Variants in CNTN4 observed in about 807,000 individuals in gnomAD.
CNTN4 encodes the protein contactin 4.
CNTN4 carries 77 observed loss-of-function variants against 122.5 expected under a neutral mutation model. The observed-to-expected ratio is 0.63, with a 90% CI of 0.52 to 0.76. The LOEUF is 0.76. CNTN4 is among the 30% of genes least tolerant of loss of function. CNTN4 has a pLI of 0.00. For missense variants in CNTN4, 1,256 were observed against 1,259.1 expected (o/e 1.00, Z 0.04); for synonymous variants, 512 against 447.0 (o/e 1.15, Z -1.83).
At chr3:2,419,378 G>A (rs1425194660) in intron 3 of CNTN4, among the ~76,000 whole-genome samples, 1 of 152,020 alleles carries the variant, frequency 6.6e-6, no homozygotes, top group African/African-American at 2.4e-5. Flanking sequence ...AAATAAAGAG[G>A]TGGGAGTGGG....
intron 10 of CNTN4, among the ~76,000 whole-genome samples, chr3:2,889,199 T>C (rs2094010779): frequency 6.6e-6 from 1 of 152,202 alleles, no homozygotes; most frequent in Non-Finnish European, 1.5e-5. Context: ...ACTCTCAGCA[T>C]TTCATTTTGG....
chr3:2,867,911 G>A (rs980120676), intron 8 of CNTN4, among the ~76,000 whole-genome samples: 1 of 152,134 alleles, frequency 6.6e-6, no homozygotes, highest in African/African-American at 2.4e-5. Flanking sequence ...ACCTGGTTTC[G>A]CAACTGGTAC....
chr3:2,694,961 A>G (rs1385014418), intron 4 of CNTN4, among the ~76,000 whole-genome samples: 3 of 152,196 alleles, frequency 2.0e-5, no homozygotes, highest in Non-Finnish European at 4.4e-5. Flanking sequence ...TTAAAAAGGA[A>G]TCTTATAAAT....
At chr3:2,301,774 C>T (rs913072887) in intron 2 of CNTN4, among the ~76,000 whole-genome samples, 8 of 152,210 alleles carry the variant, frequency 5.3e-5, no homozygotes, top group African/African-American at 1.4e-4. Flanking sequence ...GAATCCACTT[C>T]GGACAGAGAA....
chr3:2,484,392 T>A (rs1332398536), intron 3 of CNTN4, among the ~76,000 whole-genome samples: 1 of 152,200 alleles, frequency 6.6e-6, no homozygotes, highest in Non-Finnish European at 1.5e-5. Flanking sequence ...TGCATCGGCA[T>A]GAAGAGGAAC....
chr3:2,279,365 T>C (rs2041633006), intron 2 of CNTN4, among the ~76,000 whole-genome samples: 1 of 152,170 alleles, frequency 6.6e-6, no homozygotes, highest in Non-Finnish European at 1.5e-5. Flanking sequence ...ATGCAAGATA[T>C]AATGAGCAAC....
chr3:2,466,314 G>A (rs975472727), intron 3 of CNTN4, among the ~76,000 whole-genome samples: 4 of 152,060 alleles, frequency 2.6e-5, no homozygotes, highest in African/African-American at 9.7e-5. Flanking sequence ...ACCTAAGACT[G>A]TTTTCTTGGT....
At chr3:2,287,767 A>G (rs1227189028) in intron 2 of CNTN4, among the ~76,000 whole-genome samples, 1 of 145,868 alleles carries the variant, frequency 6.9e-6, no homozygotes, top group Non-Finnish European at 1.5e-5. Flanking sequence ...GAAGAAGAAG[A>G]AGAAGAAGAA....
chr3:2,193,152 C>T (rs2037665898), intron 2 of CNTN4, among the ~76,000 whole-genome samples: 1 of 152,146 alleles, frequency 6.6e-6, no homozygotes, highest in Non-Finnish European at 1.5e-5. Context: ...GTTCCATCCC[C>T]TGAGAAAACT....
At chr3:2,732,564 T>C (rs1460781402) in intron 4 of CNTN4, among the ~76,000 whole-genome samples, 1 of 152,076 alleles carries the variant, frequency 6.6e-6, no homozygotes, top group Non-Finnish European at 1.5e-5. Flanking sequence ...TGCAGTCTTT[T>C]GTATGTGCCT....
intron 4 of CNTN4, among the ~76,000 whole-genome samples, chr3:2,735,248 T>C (rs781173748): frequency 6.6e-6 from 1 of 152,228 alleles, no homozygotes; most frequent in African/African-American, 2.4e-5. Context: ...AAAAAGAATT[T>C]GAACTTGATT....
At chr3:2,530,377 C>G (rs1212843627) in intron 3 of CNTN4, among the ~76,000 whole-genome samples, 1 of 146,998 alleles carries the variant, frequency 6.8e-6, no homozygotes, top group African/African-American at 2.5e-5. Flanking sequence ...GGCACGATCT[C>G]AGCTCACTGC....
chr3:2,472,041 C>G (rs1174548882), intron 3 of CNTN4, among the ~76,000 whole-genome samples: 1 of 151,848 alleles, frequency 6.6e-6, no homozygotes, highest in Non-Finnish European at 1.5e-5. Context: ...CTCCCCGAAA[C>G]CCCATCTCTA....
At chr3:2,668,116 C>A (rs560083880) in intron 4 of CNTN4, among the ~76,000 whole-genome samples, 1 of 152,094 alleles carries the variant, frequency 6.6e-6, no homozygotes, top group African/African-American at 2.4e-5. Context: ...TAGTTTTTTC[C>A]AATTCTGTGA....
At chr3:2,453,290 T>A (rs2048894484) in intron 3 of CNTN4, among the ~76,000 whole-genome samples, 1 of 152,108 alleles carries the variant, frequency 6.6e-6, no homozygotes, top group African/African-American at 2.4e-5. Context: ...TACAGTGAAC[T>A]TTTCATGTGA....
chr3:2,346,862 A>G (rs2150404830), intron 3 of CNTN4, among the ~76,000 whole-genome samples: 1 of 152,276 alleles, frequency 6.6e-6, no homozygotes, highest in Admixed American at 6.5e-5. Flanking sequence ...ACCTCAGGAC[A>G]CACTTTTTTC....
At chr3:2,549,899 G>C (rs2078414469) in intron 3 of CNTN4, among the ~76,000 whole-genome samples, 1 of 152,102 alleles carries the variant, frequency 6.6e-6, no homozygotes, top group South Asian at 2.1e-4. Flanking sequence ...TCTACTCAGG[G>C]ATTCAACTTC....
chr3:2,620,688 C>G (rs565891688), intron 4 of CNTN4, among the ~76,000 whole-genome samples: 1 of 152,216 alleles, frequency 6.6e-6, no homozygotes, highest in African/African-American at 2.4e-5. Context: ...TCTCTTTACA[C>G]AAGAATGTCC....
chr3:2,153,392 A>G (rs1333986025), intron 2 of CNTN4, among the ~76,000 whole-genome samples: 1 of 152,236 alleles, frequency 6.6e-6, no homozygotes, highest in Non-Finnish European at 1.5e-5. Context: ...GAAGTGACAA[A>G]TGATGTCAAA....
Sources: gnomAD v4.1 joint callset for allele counts (sites outside exome capture counted in the v4.1 genomes callset) on GRCh38, gnomAD v4.1.1 for gene constraint, MANE v1.5 for transcripts, NCBI Gene and HGNC (gene_info 2026-07-23, HGNC 2026-07-21) for gene names.